DLGAP2: variants seen among roughly 807,000 people sequenced by gnomAD.
The protein encoded by DLGAP2 is DLG associated protein 2.
A neutral mutation model predicts 100.3 loss-of-function variants in DLGAP2; 26 were observed. The ratio of observed to expected loss-of-function variants is 0.26; its 90% CI spans 0.19 to 0.36. DLGAP2 has a LOEUF of 0.36. Among genes scored for constraint, DLGAP2 ranks in the 10% least tolerant of loss-of-function variants. The pLI is 1.00. For synonymous variants in DLGAP2, 886 were observed against 630.1 expected, an observed-to-expected ratio of 1.41 and a Z score of -6.08; for missense variants, 1,858 against 1,453.2, an observed-to-expected ratio of 1.28 and a Z score of -4.53.
At chr8:1,155,041 C>T (rs1223861379) in intron 2 of DLGAP2, among the ~76,000 whole-genome samples, 7 of 152,202 alleles carry the variant, frequency 4.6e-5, no homozygotes, top group Admixed American at 4.6e-4. Flanking sequence ...TTCTCGCAGG[C>T]CTCTGCCTGG....
chr8:1,226,989 C>T (rs914903218), intron 2 of DLGAP2, among the ~76,000 whole-genome samples: 3 of 150,804 alleles, frequency 2.0e-5, no homozygotes, highest in African/African-American at 7.4e-5. Context: ...ACCCTATGAC[C>T]CTGCAACCTG....
At chr8:846,071 G>T (rs903118833) in intron 1 of DLGAP2, among the ~76,000 whole-genome samples, 3 of 152,168 alleles carry the variant, frequency 2.0e-5, no homozygotes, top group African/African-American at 7.2e-5. Flanking sequence ...TGTATAAATT[G>T]CATAATGGGT....
chr8:981,735 C>G (rs527758935), intron 2 of DLGAP2, among the ~76,000 whole-genome samples: 1 of 152,120 alleles, frequency 6.6e-6, no homozygotes, highest in Non-Finnish European at 1.5e-5. Context: ...AAATACTGAT[C>G]CAAATCCTTT....
rs187802561 is a variant in DLGAP2, at chr8:790,346, C to T, written c.18+52521C>T. On this transcript the variant is annotated intron_variant, in intron 1 of 14. Coordinates refer to ENST00000637795, the MANE Select transcript of DLGAP2 (RefSeq NM_001346810.2). The stretch of plus-strand genomic sequence containing the variant: ...AGCTGTAAGAGATGCTTGGAGATGA[C>T]GTAACCAAAATGAAAAGATATTTGT... Among the ~76,000 whole-genome samples, 9 of 152,232 alleles carry T rather than the reference C, an allele frequency of 5.9e-5. No individual in the cohort carries two copies. The East Asian group carries it at 1.2e-3, about 20-fold the overall frequency.
intron 1 of DLGAP2, among the ~76,000 whole-genome samples, chr8:871,990 T>C (rs1797607276): frequency 6.6e-6 from 1 of 152,246 alleles, no homozygotes; most frequent in South Asian, 2.1e-4. Flanking sequence ...TTGCGTTAGC[T>C]ATTTCCACAC....
At chr8:940,675 A>G (rs975107044) in intron 2 of DLGAP2, among the ~76,000 whole-genome samples, 2 of 152,174 alleles carry the variant, frequency 1.3e-5, no homozygotes, top group African/African-American at 2.4e-5. Flanking sequence ...ACCAAAGTTC[A>G]TTGATGCTCT....
intron 3 of DLGAP2, among the ~76,000 whole-genome samples, chr8:1,325,195 G>T (rs1052052155): frequency 6.6e-6 from 1 of 152,186 alleles, no homozygotes; most frequent in Non-Finnish European, 1.5e-5. Flanking sequence ...GGTCTTCTCA[G>T]CGAGGCTGTC....
chr8:1,519,103 G>A (rs1800499396), intron 4 of DLGAP2, among the ~76,000 whole-genome samples: 1 of 152,154 alleles, frequency 6.6e-6, no homozygotes, highest in Non-Finnish European at 1.5e-5. Flanking sequence ...GGGATACGAA[G>A]GCTTGGCTTT....
intron 2 of DLGAP2, among the ~76,000 whole-genome samples, chr8:999,509 C>T (rs117739716): frequency 0.014 from 2,018 of 144,130 alleles, 31 homozygotes; most frequent in South Asian, 0.088. Flanking sequence ...GATGGAGTGT[C>T]GGTCTGCCAG....
intron 2 of DLGAP2, among the ~76,000 whole-genome samples, chr8:1,071,977 A>G (rs887482625): frequency 7.2e-5 from 11 of 152,268 alleles, no homozygotes; most frequent in South Asian, 6.2e-4. Context: ...GTTTCTCGTC[A>G]GTGTGCTGGA....
intron 3 of DLGAP2, among the ~76,000 whole-genome samples, chr8:1,291,901 TTTG>T (rs1800068413): frequency 6.6e-6 from 1 of 152,166 alleles, no homozygotes; most frequent in Non-Finnish European, 1.5e-5. Flanking sequence ...TTGACTAACT[TTTG>T]ACTATTACAA....
chr8:840,578 G>A (rs1169834921), intron 1 of DLGAP2, among the ~76,000 whole-genome samples: 9 of 64,432 alleles, frequency 1.4e-4, no homozygotes, highest in Admixed American at 5.0e-4. Flanking sequence ...CACGGTGCAC[G>A]CCTGCACGTC....
At chr8:853,434 G>A (rs1458378699) in intron 1 of DLGAP2, among the ~76,000 whole-genome samples, 2 of 152,238 alleles carry the variant, frequency 1.3e-5, no homozygotes, top group African/African-American at 4.8e-5. Context: ...GCCAGCAGGA[G>A]AGCAGGTGTG....
At chr8:1,040,914 T>C (rs1802328091) in intron 2 of DLGAP2, among the ~76,000 whole-genome samples, 1 of 152,182 alleles carries the variant, frequency 6.6e-6, no homozygotes. Flanking sequence ...CCTCTTTTGA[T>C]CTAGGCTGTA....
intron 1 of DLGAP2, among the ~76,000 whole-genome samples, chr8:776,768 A>AG (rs1242372524): frequency 6.6e-6 from 1 of 152,158 alleles, no homozygotes; most frequent in Non-Finnish European, 1.5e-5. Context: ...CTTTACTTCC[A>AG]AGTATGTGGT....
intron 3 of DLGAP2, among the ~76,000 whole-genome samples, chr8:1,484,534 G>A (rs1584946340): frequency 6.6e-6 from 1 of 152,338 alleles, no homozygotes; most frequent in Admixed American, 6.5e-5. Context: ...CGACGGCTGA[G>A]GCCTTTGGTG....
At chr8:763,286 T>A (rs1354984913) in intron 1 of DLGAP2, among the ~76,000 whole-genome samples, 1 of 152,200 alleles carries the variant, frequency 6.6e-6, no homozygotes, top group Non-Finnish European at 1.5e-5. Context: ...GAAGGTTGCT[T>A]GTTAAGGACG....
chr8:741,084 C>T lies in DLGAP2; in HGVS notation c.18+3259C>T, dbSNP rs35811101. 7.6e-3 allele frequency among the ~76,000 whole-genome samples: 1,157 copies of T among 152,310 alleles called. 2 individuals are homozygous for T. The highest frequency in any genetic ancestry group is 0.017 in the South Asian group (82 of 4,822). The stretch of plus-strand genomic sequence containing the variant: ...ACCAACTAGTTTTCATCATACGAGG[C>T]TTTCTAGTGCCACTAACTTCTTCAA... On this transcript the variant is annotated intron_variant, in intron 1 of 14. Transcript: ENST00000637795.
intron 2 of DLGAP2, among the ~76,000 whole-genome samples, chr8:1,017,900 A>G (rs1465747633): frequency 1.3e-5 from 2 of 152,194 alleles, no homozygotes; most frequent in African/African-American, 2.4e-5. Flanking sequence ...GTTTGCAGAG[A>G]AAGTTTGATT....
Sources: allele counts gnomAD v4.1 joint callset (sites outside exome capture counted in the v4.1 genomes callset), GRCh38; gene constraint gnomAD v4.1.1; transcripts MANE v1.5; gene names NCBI Gene and HGNC (gene_info 2026-07-23, HGNC 2026-07-21).